TNFAIP8: variants seen among roughly 807,000 people sequenced by gnomAD.
TNFAIP8 encodes the protein tumor necrosis factor alpha-induced protein 8.
Under a neutral mutation model 13.3 loss-of-function variants are expected in TNFAIP8, and 7 were observed. The ratio of observed to expected loss-of-function variants is 0.52; its 90% confidence interval spans 0.30 to 0.99. The LOEUF (loss-of-function observed/expected upper bound fraction) is 0.99, where lower values mean the gene tolerates loss of function less well. Among genes scored for constraint, TNFAIP8 ranks in the 50% least tolerant of loss-of-function variants. The pLI is 0.07. For missense variants in TNFAIP8, 258 were observed against 236.9 expected, an observed-to-expected ratio of 1.09 and a Z score of -0.58; for synonymous variants, 94 against 87.6, an observed-to-expected ratio of 1.07 and a Z score of -0.41.
intron 1 of TNFAIP8, among the ~76,000 whole-genome samples, chr5:119,279,059 C>T (rs1031372123): frequency 2.6e-5 from 4 of 152,140 alleles, no homozygotes; most frequent in African/African-American, 9.7e-5. Context: ...TTGTTGAGTA[C>T]GTAGGGTGGG....
intron 1 of TNFAIP8, chr5:119,268,999 G>T: frequency 1.1e-5 from 7 of 626,276 alleles, no homozygotes; most frequent in Admixed American, 8.2e-5. Flanking sequence ...AGCGCCTCCG[G>T]CTCAGAGAGT....
chr5:119,289,079 T>C (rs1365199587), intron 1 of TNFAIP8, among the ~76,000 whole-genome samples: 2 of 152,216 alleles, frequency 1.3e-5, no homozygotes, highest in African/African-American at 4.8e-5. Flanking sequence ...TGCAGAGTCA[T>C]TAATACAAAT....
chr5:119,346,625 A>G (rs1235345920), intron 1 of TNFAIP8, among the ~76,000 whole-genome samples: 3 of 152,242 alleles, frequency 2.0e-5, no homozygotes, highest in Non-Finnish European at 2.9e-5. Flanking sequence ...CTTGCCTTTT[A>G]TCACAGCAAC....
rs1752288553 is a variant in TNFAIP8 at position 119,376,536 on chromosome 5, T to TA, written c.32-16275dup. On this transcript the variant is annotated intron_variant, in intron 1 of 1. Coordinates refer to ENST00000504771, the MANE Select transcript of TNFAIP8 (RefSeq NM_014350.4). The stretch of plus-strand genomic sequence containing the variant: ...GTAGCCTCTTATTTCGGTTGTTTTA[T>TA]AAAAATCAGTATTCATTGTCTTCCC... Among the ~76,000 whole-genome samples, 5 of 152,240 alleles carry TA rather than the reference T, an allele frequency of 3.3e-5. No individual in the cohort carries two copies. The South Asian group carries it at 1.0e-3, about 32-fold the overall frequency.
chr5:119,291,243 C>T (rs1158884549), intron 1 of TNFAIP8, among the ~76,000 whole-genome samples: 2 of 152,176 alleles, frequency 1.3e-5, no homozygotes, highest in Admixed American at 6.5e-5. Flanking sequence ...ATGTCTTTAT[C>T]TGTTTCTATT....
chr5:119,392,612 A>G (rs1467085946), intron 1 of TNFAIP8, among the ~76,000 whole-genome samples: 9 of 152,132 alleles, frequency 5.9e-5, no homozygotes, highest in Admixed American at 5.9e-4. Context: ...TCAGTCTCCC[A>G]AAGTGTTGGG....
intron 1 of TNFAIP8, among the ~76,000 whole-genome samples, chr5:119,318,040 G>A (rs115179080): frequency 1.2e-3 from 188 of 152,174 alleles, no homozygotes; most frequent in African/African-American, 4.4e-3. Context: ...CTTTAATCAA[G>A]GTGGTGAATT....
rs573943328 is a variant in TNFAIP8, at chr5:119,356,856, A to G, written c.31+735A>G. On this transcript the variant is annotated intron_variant, in intron 1 of 1. Coordinates refer to ENST00000504771, the MANE Select transcript of TNFAIP8 (RefSeq NM_014350.4). The stretch of plus-strand genomic sequence containing the variant: ...AGTTTATTTGTGTGTGAGTGTTTGT[A>G]TGCTTTGTTCCTTGAAACTTTATGT... Among the ~76,000 whole-genome samples the G allele has an allele frequency of 1.8e-4, 27 of 152,178 alleles. 1 individual carries two copies. In the South Asian group the frequency reaches 4.4e-3, roughly 25 times the overall value.
chr5:119,352,385 G>A (rs1751201473), upstream of TNFAIP8, among the ~76,000 whole-genome samples: 1 of 151,990 alleles, frequency 6.6e-6, no homozygotes, highest in Admixed American at 6.5e-5. Context: ...AGGTCTCAAA[G>A]TGAAATTGAA....
rs1029678549 is a variant in TNFAIP8 at position 119,397,360 on chromosome 5, A to T, written c.*3979A>T. The stretch of plus-strand genomic sequence containing the variant: ...ATATTTGTAGTAAAAAGTGCTATTC[A>T]ATTGCCAGGAAATTAAAATACTCCA... On this transcript the variant is annotated 3_prime_UTR_variant, in exon 2 of 2. Coordinates refer to ENST00000504771, the MANE Select transcript of TNFAIP8 (RefSeq NM_014350.4). 1 of 152,236 alleles carries T rather than the reference A, an allele frequency of 6.6e-6. No individual in the cohort carries two copies. Among genetic ancestry groups the T allele is most frequent in the African/African-American group, 2.4e-5 (1 of 41,456 alleles). 9.4% of individuals were successfully genotyped at this position (152,236 alleles called of 1,614,324 possible). A position where few individuals can be genotyped will look rare whatever the true frequency, so the allele number is the denominator to read the frequency against.
At chr5:119,358,546 T>G (rs1751521589) in intron 1 of TNFAIP8, among the ~76,000 whole-genome samples, 1 of 152,126 alleles carries the variant, frequency 6.6e-6, no homozygotes, top group Non-Finnish European at 1.5e-5. Context: ...CTGAATGAGT[T>G]TAAATTATTC....
chr5:119,333,159 C>T lies in TNFAIP8; in HGVS notation c.2-59657C>T, dbSNP rs1008246966. On this transcript the variant is annotated intron_variant, in intron 1 of 1. Transcript: ENST00000274456. ...TTTTCTAGCATGTTGAAACGTTAGACTTCCTGTTTCTGCTTGATTTTGAAT... is the reference window on the plus strand; with the variant it reads ...TTTTCTAGCATGTTGAAACGTTAGATTTCCTGTTTCTGCTTGATTTTGAAT... 25 of 957,218 alleles carry T rather than the reference C, an allele frequency of 2.6e-5. No individual in the cohort carries two copies. In the African/African-American group the frequency reaches 4.3e-4, roughly 17 times the overall value. 59.3% of individuals were successfully genotyped at this position (957,218 alleles called of 1,614,324 possible).
chr5:119,282,039 C>G (rs140619766), intron 1 of TNFAIP8, among the ~76,000 whole-genome samples: 1 of 152,224 alleles, frequency 6.6e-6, no homozygotes, highest in Non-Finnish European at 1.5e-5. Context: ...TGTTTTCCTG[C>G]TATACGTGCT....
chr5:119,368,430 C>CGTGTGTGTGTGTGTGTGT (rs376615641), intron 1 of TNFAIP8, among the ~76,000 whole-genome samples: 3 of 133,038 alleles, frequency 2.3e-5, no homozygotes, highest in Non-Finnish European at 4.8e-5. Context: ...TTCTAAGCAG[C>CGTGTGTGTGTGTGTGTGT]GTGTGTGTGT....
chr5:119,279,581 G>C (rs1005534172), intron 1 of TNFAIP8, among the ~76,000 whole-genome samples: 21 of 152,066 alleles, frequency 1.4e-4, no homozygotes, highest in African/African-American at 4.8e-4. Context: ...TATTATATGT[G>C]TTTGTTAGAG....
rs183134864 is a variant in TNFAIP8 at position 119,311,188 on chromosome 5, A to G, written c.1+42281A>G. 4.6e-5 allele frequency among the ~76,000 whole-genome samples: 7 copies of G among 152,080 alleles called. No individual in the cohort carries two copies. In the East Asian group the frequency reaches 1.2e-3, roughly 25 times the overall value. On this transcript the variant is annotated intron_variant, in intron 1 of 1. Transcript: ENST00000274456. ...TAGGTACACATCACCACACCTGGCT[A>G]ATTTTTAAAATTTTTCATAGACATG... is the stretch of plus-strand genomic sequence containing the variant.
chr5:119,301,876 C>T (rs1360490876), intron 1 of TNFAIP8, among the ~76,000 whole-genome samples: 2 of 152,114 alleles, frequency 1.3e-5, no homozygotes, highest in Non-Finnish European at 2.9e-5. Flanking sequence ...TTCCCTACTC[C>T]AAGATCTCAT....
At chr5:119,362,856 G>A (rs1250734908) in intron 1 of TNFAIP8, among the ~76,000 whole-genome samples, 1 of 152,038 alleles carries the variant, frequency 6.6e-6, no homozygotes, top group East Asian at 1.9e-4. Flanking sequence ...CAGATGCAAA[G>A]TAGTGTTTTA....
At chr5:119,343,023 G>C (rs6896559) in intron 1 of TNFAIP8, among the ~76,000 whole-genome samples, 56,873 of 151,812 alleles carry the variant, frequency 0.37, 12,506 homozygotes, top group African/African-American at 0.62. Context: ...GATTGCTGCT[G>C]TTCTACAGTG....
Sources: gnomAD v4.1 joint callset for allele counts (sites outside exome capture counted in the v4.1 genomes callset) on GRCh38, gnomAD v4.1.1 for gene constraint, MANE v1.5 for transcripts, NCBI Gene and HGNC (gene_info 2026-07-23, HGNC 2026-07-21) for gene names.